Variants in ATRX observed in about 807,000 individuals in gnomAD.
ATRX encodes the protein chromatin remodeler ATRX.
Under a neutral mutation model 172.6 loss-of-function variants are expected in ATRX, and 12 were observed. That is an observed-to-expected ratio of 0.07 (90% CI 0.04 to 0.11). ATRX has a LOEUF of 0.11. ATRX is among the 10% of genes least tolerant of loss of function. ATRX has a pLI of 1.00. For missense variants in ATRX, 1,368 were observed against 1,767.4 expected (o/e 0.77, Z 4.05); for synonymous variants, 674 against 594.7 (o/e 1.13, Z -1.94).
intron 28 of ATRX, among the ~76,000 whole-genome samples, chrX:77,568,854 C>T (rs782812671): frequency 4.5e-5 from 5 of 111,754 alleles, no homozygotes; most frequent in African/African-American, 1.6e-4. Context: ...GAAGAAATAA[C>T]AGATGATACA....
At chrX:77,760,227 C>A in intron 1 of ATRX, among the ~76,000 whole-genome samples, 1 of 100,847 alleles carries the variant, frequency 9.9e-6, no homozygotes. Flanking sequence ...GGAGTTACAT[C>A]AAAATCCTAA....
At position 77,719,587 on chromosome X, in the gene ATRX, A is replaced by C. The variant is rs781978919; in HGVS notation, c.21-2344T>G. 8.9e-5 allele frequency among the ~76,000 whole-genome samples: 10 copies of C among 111,780 alleles called. No homozygotes were observed. In the East Asian group the frequency reaches 2.8e-3, roughly 31 times the overall value. On this transcript the variant is annotated intron_variant, in intron 1 of 34. Transcript: ENST00000373344. ...CAACAAAGATCAAAACAGACAAAGA[A>C]GGGTGTTACATAATGGTAAAGGGAT...
chrX:77,529,431 G>C (rs1295802468), intron 30 of ATRX, among the ~76,000 whole-genome samples: 1 of 111,658 alleles, frequency 9.0e-6, no homozygotes, highest in Non-Finnish European at 1.9e-5. Flanking sequence ...TTACACAAAA[G>C]AAAGCCCATC....
At position 77,700,135 on chromosome X, in the gene ATRX, C is replaced by T. The variant is rs183671674; in HGVS notation, c.134-1506G>A. On this transcript the variant is annotated intron_variant, in intron 2 of 34. Transcript: ENST00000373344. ...CAAACTATACAAAGAATGCTTAAAA[C>T]TCAACAATAAAACAAACAACATGAT... 2.7e-3 allele frequency among the ~76,000 whole-genome samples: 297 copies of T among 110,796 alleles called. 1 individual carries two copies. The highest frequency in any genetic ancestry group is 9.4e-3 in the African/African-American group (286 of 30,556).
At chrX:77,510,856 C>T (rs2062845438) in intron 34 of ATRX, among the ~76,000 whole-genome samples, 1 of 112,485 alleles carries the variant, frequency 8.9e-6, no homozygotes, top group Admixed American at 9.3e-5. Context: ...CGGCCTAGGG[C>T]TGGGGGAAAT....
At chrX:77,657,273 T>C (rs2069605121) in intron 12 of ATRX, among the ~76,000 whole-genome samples, 1 of 111,825 alleles carries the variant, frequency 8.9e-6, no homozygotes, top group Non-Finnish European at 1.9e-5. Context: ...AATCCCTATT[T>C]CTAGCCACAA....
chrX:77,645,945 A>G (rs1364476626), intron 15 of ATRX, among the ~76,000 whole-genome samples: 3 of 111,910 alleles, frequency 2.7e-5, no homozygotes, highest in African/African-American at 9.7e-5. Flanking sequence ...TGATAACCAC[A>G]AAGAAAATAT....
intron 1 of ATRX, among the ~76,000 whole-genome samples, chrX:77,757,819 C>A (rs1424827775): frequency 9.2e-6 from 1 of 109,028 alleles, no homozygotes; most frequent in Non-Finnish European, 1.9e-5. Flanking sequence ...TTACAGGCCC[C>A]TGCCACCACG....
chrX:77,597,107 A>G (rs2066491939), intron 25 of ATRX, among the ~76,000 whole-genome samples: 1 of 111,564 alleles, frequency 9.0e-6, no homozygotes, highest in Non-Finnish European at 1.9e-5. Flanking sequence ...AAATTACACT[A>G]TAATAATTTA....
intron 1 of ATRX, among the ~76,000 whole-genome samples, chrX:77,738,111 G>C (rs1557180030): frequency 9.0e-6 from 1 of 110,622 alleles, no homozygotes; most frequent in Non-Finnish European, 1.9e-5. Flanking sequence ...GAGGTGGGAA[G>C]ATGATTTGAG....
chrX:77,692,664 G>A (rs1198827485), intron 6 of ATRX, among the ~76,000 whole-genome samples: 1 of 111,367 alleles, frequency 9.0e-6, no homozygotes, highest in Non-Finnish European at 1.9e-5. Flanking sequence ...TTAGTGTCAT[G>A]TTCTATCATT....
intron 30 of ATRX, among the ~76,000 whole-genome samples, chrX:77,544,514 CCACT>C (rs1341526005): frequency 2.8e-5 from 3 of 108,875 alleles, no homozygotes; most frequent in Non-Finnish European, 3.8e-5. Flanking sequence ...TGCGCTGCAC[CCACT>C]AACTCGTCAT....
At chrX:77,606,478 C>G in intron 22 of ATRX, among the ~76,000 whole-genome samples, 1 of 110,594 alleles carries the variant, frequency 9.0e-6, no homozygotes, top group Non-Finnish European at 1.9e-5. Flanking sequence ...AAGGACACAT[C>G]AAAAAAAGAA....
chrX:77,516,565 A>C (rs1788444765), intron 34 of ATRX, among the ~76,000 whole-genome samples: 1 of 111,812 alleles, frequency 8.9e-6, no homozygotes, highest in African/African-American at 3.2e-5. Context: ...TGCACCCAAC[A>C]CTGGAGCACC....
At position 77,772,077 on chromosome X, in the gene ATRX, C is replaced by G. The variant is rs367574952; in HGVS notation, c.20+13905G>C. ...TGGGAGGCCGAGGCGGGCGGATCAC[C>G]TGAGGTCAGGAGTTCGAGACCATCC... is the stretch of plus-strand genomic sequence containing the variant. On this transcript the variant is annotated intron_variant, in intron 1 of 34. Transcript: ENST00000373344. Among the ~76,000 whole-genome samples, 70 of 110,604 alleles carry G rather than the reference C, an allele frequency of 6.3e-4. 2 individuals are homozygous for G. In the South Asian group the frequency reaches 0.024, roughly 38 times the overall value.
chrX:77,557,360 T>G, intron 30 of ATRX, 91 bp downstream of exon 30: 1 of 862,454 alleles, frequency 1.2e-6, no homozygotes, highest in Non-Finnish European at 1.7e-6. Context: ...TTCTGAAATA[T>G]AGCCTTAATC....
Position 77,724,202 on chromosome X carries a change from G to A in ATRX, c.21-6959C>T, listed in dbSNP as rs188633410. ...CTGAGGCAGGAGAATCACTTGAGCC[G>A]GGAGGGAGAGACTGCAGTGAGCCAA... On this transcript the variant is annotated intron_variant, in intron 1 of 34. Transcript: ENST00000373344. Among the ~76,000 whole-genome samples the A allele has an allele frequency of 0.022, 2,414 of 109,569 alleles. 202 individuals are homozygous for A. The East Asian group carries it at 0.37, about 17-fold the overall frequency.
rs1353186073 is a variant in ATRX, at chrX:77,737,498, CATTA to C, written c.21-20259_21-20256del. On this transcript the variant is annotated intron_variant, in intron 1 of 34. Coordinates refer to ENST00000373344, the MANE Select transcript of ATRX (RefSeq NM_000489.6). ...TGTATATAATAAATAATAGATAATACATTAATTAATCTAATTAATCATTTGAGGT... is the reference window on the plus strand; with the variant it reads ...TGTATATAATAAATAATAGATAATACATTAATCTAATTAATCATTTGAGGT... Among the ~76,000 whole-genome samples the C allele has an allele frequency of 8.3e-5, 8 of 96,069 alleles. No homozygotes were observed. The Admixed American group carries it at 8.4e-4, about 10-fold the overall frequency. The allele number at this position is 96,069 out of a possible 115,157, so 83.4% of individuals were successfully genotyped here.
intron 27 of ATRX, among the ~76,000 whole-genome samples, chrX:77,582,475 T>C (rs189091614): frequency 4.6e-5 from 5 of 107,981 alleles, no homozygotes; most frequent in African/African-American, 1.3e-4. Context: ...AGCCCAGAAT[T>C]AGTAGAAGAG....
Sources: gnomAD v4.1 joint callset for allele counts (sites outside exome capture counted in the v4.1 genomes callset) on GRCh38, gnomAD v4.1.1 for gene constraint, MANE v1.5 for transcripts, NCBI Gene and HGNC (gene_info 2026-07-23, HGNC 2026-07-21) for gene names.